Variants in ZBTB2 observed in about 807,000 individuals in gnomAD.
The protein encoded by ZBTB2 is zinc finger and BTB domain-containing protein 2.
ZBTB2 carries 2 observed loss-of-function variants against 39.5 expected under a neutral mutation model. The observed-to-expected ratio is 0.05, with a 90% confidence interval of 0.02 to 0.16. The LOEUF is 0.16. ZBTB2 is among the 10% of genes least tolerant of loss of function. The pLI, the probability that ZBTB2 is intolerant of heterozygous loss-of-function variation, is 1.00. For synonymous variants in ZBTB2, 251 were observed against 256.6 expected (o/e 0.98, Z 0.21); for missense variants, 391 against 653.0 (o/e 0.60, Z 4.37).
intron 1 of ZBTB2, among the ~76,000 whole-genome samples, chr6:151,388,050 G>A (rs1379410716): frequency 6.7e-6 from 1 of 149,886 alleles, no homozygotes; most frequent in Non-Finnish European, 1.5e-5. Flanking sequence ...TTAGTCTAAT[G>A]CTTAGAATGT....
chr6:151,386,283 C>T (rs905192832), intron 1 of ZBTB2, among the ~76,000 whole-genome samples: 2 of 152,142 alleles, frequency 1.3e-5, no homozygotes, highest in Non-Finnish European at 2.9e-5. Context: ...AGTGGCTCAC[C>T]CCTGTAATCT....
At chr6:151,388,311 G>C (rs1779206738) in intron 1 of ZBTB2, among the ~76,000 whole-genome samples, 1 of 152,128 alleles carries the variant, frequency 6.6e-6, no homozygotes, top group African/African-American at 2.4e-5. Flanking sequence ...AAGGTGAGTG[G>C]GGCTAGGAAT....
At chr6:151,372,128 C>A (rs1778801237) in intron 2 of ZBTB2, among the ~76,000 whole-genome samples, 2 of 152,094 alleles carry the variant, frequency 1.3e-5, no homozygotes, top group African/African-American at 4.8e-5. Context: ...GTGCAAAAGA[C>A]AAAATTTACC....
At chr6:151,369,232 T>C (rs75468779) in intron 2 of ZBTB2, among the ~76,000 whole-genome samples, 7,555 of 152,230 alleles carry the variant, frequency 0.05, 591 homozygotes, top group African/African-American at 0.17. Flanking sequence ...GCCCACACTT[T>C]AGGCAGGCCT....
At chr6:151,374,992 C>T (rs1293107039) in intron 1 of ZBTB2, among the ~76,000 whole-genome samples, 5 of 149,724 alleles carry the variant, frequency 3.3e-5, no homozygotes, top group Non-Finnish European at 5.9e-5. Flanking sequence ...TGGTGGCAGG[C>T]GCCTGTAGTC....
chr6:151,373,065 G>A (rs1388186574), intron 2 of ZBTB2, among the ~76,000 whole-genome samples: 1 of 143,400 alleles, frequency 7.0e-6, no homozygotes, highest in Non-Finnish European at 1.5e-5. Flanking sequence ...TGAAGCAGGA[G>A]AATGGCGTGA....
chr6:151,390,094 C>T (rs948375396), intron 1 of ZBTB2, among the ~76,000 whole-genome samples: 33 of 152,110 alleles, frequency 2.2e-4, no homozygotes, highest in African/African-American at 7.7e-4. Flanking sequence ...GGGGCCAAAC[C>T]GGGCTGTATC....
At chr6:151,388,876 A>C (rs984561313) in intron 1 of ZBTB2, among the ~76,000 whole-genome samples, 2 of 152,202 alleles carry the variant, frequency 1.3e-5, no homozygotes, top group Admixed American at 6.5e-5. Flanking sequence ...CTTTGAAGAG[A>C]AGCTTTAAAA....
chr6:151,390,300 G>GCGCGGCGCCGGGGC (rs1304280479), intron 1 of ZBTB2, among the ~76,000 whole-genome samples: 1 of 141,950 alleles, frequency 7.0e-6, no homozygotes, highest in Non-Finnish European at 1.6e-5. Flanking sequence ...GGGGCCGGGG[G>GCGCGGCGCCGGGGC]CGCGGCGCCG....
At chr6:151,373,343 A>T in intron 2 of ZBTB2, 122 bp downstream of exon 2, 2 of 1,090,812 alleles carry the variant, frequency 1.8e-6, no homozygotes, top group East Asian at 2.4e-5. Flanking sequence ...GAGTGAGGCC[A>T]CAAGGGAGCA....
At chr6:151,377,514 GC>G (rs1562768187) in intron 1 of ZBTB2, among the ~76,000 whole-genome samples, 1 of 145,042 alleles carries the variant, frequency 6.9e-6, no homozygotes, top group Non-Finnish European at 1.5e-5. Context: ...GATTACAGGT[GC>G]CCGCGACCAT....
intron 1 of ZBTB2, among the ~76,000 whole-genome samples, chr6:151,390,296 G>T (rs1286231136): frequency 6.9e-6 from 1 of 145,540 alleles, no homozygotes; most frequent in Admixed American, 6.8e-5. Flanking sequence ...GGGCGGGGCC[G>T]GGGGCGCGGC....
intron 2 of ZBTB2, among the ~76,000 whole-genome samples, chr6:151,370,707 T>TGAAAAAA (rs1778771214): frequency 6.6e-6 from 1 of 152,170 alleles, no homozygotes; most frequent in Non-Finnish European, 1.5e-5. Context: ...CTGACCGTAT[T>TGAAAAAA]CTCAGTCTAT....
intron 1 of ZBTB2, among the ~76,000 whole-genome samples, chr6:151,387,850 T>A (rs1361866352): frequency 6.6e-6 from 1 of 152,218 alleles, no homozygotes; most frequent in Admixed American, 6.5e-5. Flanking sequence ...GATCTACATA[T>A]GTTGGGCTGC....
In ZBTB2 at chr6:151,365,633, A is replaced by G. The variant is rs932780925; in HGVS notation, c.1433T>C (p.Leu478Pro). The G allele has an allele frequency of 6.2e-7, 1 of 1,614,212 alleles. No homozygotes were observed. Among genetic ancestry groups the G allele is most frequent in the Non-Finnish European group, 8.5e-7 (1 of 1,180,038 alleles). ...CQNQNSDVFA[L>P]DEGRSILLGS... is the part of the protein sequence containing the mutation. ...CAGGAGAATGGATCGCCCTTCGTCTAGGGCAAAAACATCCGAGTTCTGGTT... is the reference window on the plus strand; with the variant it reads ...CAGGAGAATGGATCGCCCTTCGTCTGGGGCAAAAACATCCGAGTTCTGGTT... Residue 478 changes from leucine to proline, a missense_variant, in exon 3 of 3, where the codon CTA (leucine) becomes CCA (proline). Leu to Pro is a moderately conservative substitution (Grantham distance 98). Coordinates refer to ENST00000325144, the MANE Select transcript of ZBTB2 (RefSeq NM_020861.3). This position sits in a 1 kb window ranked among gnomAD's most constrained non-coding sequence, Gnocchi z 5.6.
chr6:151,390,024 G>A (rs1779248517), intron 1 of ZBTB2, among the ~76,000 whole-genome samples: 1 of 151,940 alleles, frequency 6.6e-6, no homozygotes, highest in Non-Finnish European at 1.5e-5. Flanking sequence ...TCCGGTTGGG[G>A]CGTGAGGGCC....
chr6:151,366,010 G>C lies in ZBTB2; in HGVS notation c.1056C>G (p.Ala352=). The stretch of plus-strand genomic sequence containing the variant: ...GCCTCTTCACCTCCCTCTCCTGGTC[G>C]GCCTGCTCCAGGTTGTCAATGTCAG... ...DIADIDNLEQ[A]DQEREVKRRK... The change falls in exon 3 of 3, where the codon GCC becomes GCG. Residue 352 remains alanine (A), a synonymous_variant. Coordinates refer to ENST00000325144, the MANE Select transcript of ZBTB2 (RefSeq NM_020861.3). The surrounding 1 kb of genome is among the most constrained non-coding windows in gnomAD (Gnocchi z 7.1). 6.2e-7 allele frequency: 1 copy of C among 1,614,036 alleles called. No individual in the cohort carries two copies. Among genetic ancestry groups the C allele is most frequent in the Non-Finnish European group, 8.5e-7 (1 of 1,180,008 alleles).
rs770302590 is a variant in ZBTB2, at chr6:151,365,630, T to G, written c.1436A>C (p.Asp479Ala). 1 of 1,614,238 alleles carries G rather than the reference T, an allele frequency of 6.2e-7. No individual in the cohort carries two copies. Among genetic ancestry groups the G allele is most frequent in the African/African-American group, 1.3e-5 (1 of 75,058 alleles). ...GCCCAGGAGAATGGATCGCCCTTCG[T>G]CTAGGGCAAAAACATCCGAGTTCTG... ...QNQNSDVFALDEGRSILLGSG... is the reference protein window; with the variant it reads ...QNQNSDVFALAEGRSILLGSG... The change falls in exon 3 of 3, where the codon GAC (aspartate) becomes GCC (alanine). Residue 479 changes from aspartate (D) to alanine (A), a missense_variant. Physicochemically the swap from Asp to Ala is moderately radical, Grantham distance 126. Around this residue, in one of 7 missense-constraint regions of ZBTB2, gnomAD observed 49 missense variants for 55.6 expected, o/e 0.88. Transcript: ENST00000325144. This position sits in a 1 kb window ranked among gnomAD's most constrained non-coding sequence, Gnocchi z 5.6.
chr6:151,371,045 T>G (rs759868882), intron 2 of ZBTB2, among the ~76,000 whole-genome samples: 2 of 152,240 alleles, frequency 1.3e-5, no homozygotes, highest in Non-Finnish European at 2.9e-5. Flanking sequence ...TGCCTCCTTT[T>G]CAATACCATT....
Sources: gnomAD v4.1 joint callset for allele counts (sites outside exome capture counted in the v4.1 genomes callset) on GRCh38, gnomAD v4.1.1 for gene constraint, gnomAD v4.1.1 regional missense constraint, Gnocchi (gnomAD v3.1) non-coding constraint, MANE v1.5 for transcripts, NCBI Gene and HGNC (gene_info 2026-07-23, HGNC 2026-07-21) for gene names.